GRIK2: variants seen among roughly 807,000 people sequenced by gnomAD.
The protein encoded by GRIK2 is glutamate receptor ionotropic, kainate 2.
GRIK2 carries 32 observed loss-of-function variants against 100.3 expected under a neutral mutation model. That is an observed-to-expected ratio of 0.32 (90% CI 0.24 to 0.43). The LOEUF is 0.43. GRIK2 is among the 20% of genes least tolerant of loss of function. The probability of loss-of-function intolerance (pLI) is 1.00; values close to 1 mark genes in which losing one functional copy is unlikely to be tolerated. For missense variants in GRIK2, 843 were observed against 1,114.9 expected (o/e 0.76, Z 3.47); for synonymous variants, 417 against 389.4 (o/e 1.07, Z -0.83).
chr6:101,454,767 T>C (rs1770904434), intron 2 of GRIK2, among the ~76,000 whole-genome samples: 1 of 152,142 alleles, frequency 6.6e-6, no homozygotes, highest in Non-Finnish European at 1.5e-5. Flanking sequence ...GGCATAAATC[T>C]TACTGGGGAG....
intron 12 of GRIK2, among the ~76,000 whole-genome samples, chr6:101,891,080 A>G (rs1186255042): frequency 6.6e-6 from 1 of 151,540 alleles, no homozygotes; most frequent in East Asian, 1.9e-4. Context: ...TGATAAATTT[A>G]TCAGTAAGGG....
chr6:101,566,896 A>G (rs1777302916), intron 2 of GRIK2, among the ~76,000 whole-genome samples: 1 of 150,582 alleles, frequency 6.6e-6, no homozygotes, highest in Non-Finnish European at 1.5e-5. Context: ...ATATGTATAC[A>G]TATATACATG....
intron 14 of GRIK2, among the ~76,000 whole-genome samples, chr6:101,958,942 G>C (rs916991768): frequency 6.6e-6 from 1 of 151,800 alleles, no homozygotes; most frequent in South Asian, 2.1e-4. Context: ...ATTTTTTAGA[G>C]GATTATTGTG....
chr6:101,399,442 C>T (rs1401357275), intron 2 of GRIK2, 50 bp downstream of exon 2: 3 of 908,248 alleles, frequency 3.3e-6, no homozygotes, highest in African/African-American at 1.6e-5. Flanking sequence ...CCCAGGCAGC[C>T]GGATGTAAAC....
At chr6:101,657,876 T>A (rs1769308309) in intron 4 of GRIK2, among the ~76,000 whole-genome samples, 1 of 152,012 alleles carries the variant, frequency 6.6e-6, no homozygotes, top group Non-Finnish European at 1.5e-5. Context: ...ATCAGTCAAA[T>A]CTAGGATGAG....
At chr6:101,411,204 CT>C (rs1165161386) in intron 2 of GRIK2, among the ~76,000 whole-genome samples, 6 of 152,008 alleles carry the variant, frequency 3.9e-5, no homozygotes, top group African/African-American at 1.4e-4. Context: ...ATTTCTCTTT[CT>C]TTTGCTCTTC....
chr6:101,800,945 C>CA (rs1048271457), intron 8 of GRIK2, among the ~76,000 whole-genome samples: 2 of 152,084 alleles, frequency 1.3e-5, no homozygotes, highest in African/African-American at 4.8e-5. Context: ...CTAAATCACA[C>CA]AGTGTCCCCC....
chr6:101,756,797 T>G (rs1019564642), intron 7 of GRIK2, among the ~76,000 whole-genome samples: 1 of 152,198 alleles, frequency 6.6e-6, no homozygotes, highest in Non-Finnish European at 1.5e-5. Flanking sequence ...TGTACTAGTT[T>G]AAAATACAGA....
intron 14 of GRIK2, among the ~76,000 whole-genome samples, chr6:101,965,849 T>C (rs1314662951): frequency 6.6e-6 from 1 of 152,036 alleles, no homozygotes; most frequent in Admixed American, 6.5e-5. Context: ...AAAATATATT[T>C]GATAAAATAA....
chr6:101,503,174 G>GTT (rs905304345), intron 2 of GRIK2, among the ~76,000 whole-genome samples: 1 of 151,874 alleles, frequency 6.6e-6, no homozygotes, highest in Non-Finnish European at 1.5e-5. Context: ...TACCTTAAGT[G>GTT]TTTTTTTTGT....
At chr6:101,560,930 A>G (rs1173398888) in intron 2 of GRIK2, among the ~76,000 whole-genome samples, 3 of 152,158 alleles carry the variant, frequency 2.0e-5, no homozygotes, top group African/African-American at 4.8e-5. Context: ...AATAAATGTA[A>G]AAGGCTAATG....
intron 2 of GRIK2, among the ~76,000 whole-genome samples, chr6:101,600,436 A>G (rs1453543639): frequency 6.6e-6 from 1 of 151,896 alleles, no homozygotes; most frequent in African/African-American, 2.4e-5. Flanking sequence ...GTTTTGTAAA[A>G]AAATGGCATT....
intron 12 of GRIK2, chr6:101,891,540 T>C (rs371113178): frequency 3.7e-6 from 1 of 270,902 alleles, no homozygotes; most frequent in Non-Finnish European, 7.0e-6. Flanking sequence ...AAAAAAAAGG[T>C]GGATTATATT....
chr6:102,025,638 A>G (rs529683869), intron 14 of GRIK2, among the ~76,000 whole-genome samples: 16 of 151,114 alleles, frequency 1.1e-4, no homozygotes, highest in Non-Finnish European at 2.4e-4. Flanking sequence ...CTGTAAATTA[A>G]TGATTAATAT....
At chr6:101,799,384 C>A (rs1364641220) in intron 7 of GRIK2, among the ~76,000 whole-genome samples, 1 of 151,648 alleles carries the variant, frequency 6.6e-6, no homozygotes, top group African/African-American at 2.4e-5. Flanking sequence ...CCTACTTCAA[C>A]GGCAGTACTA....
intron 7 of GRIK2, among the ~76,000 whole-genome samples, chr6:101,773,475 T>C (rs1778534622): frequency 9.5e-6 from 1 of 105,144 alleles, no homozygotes; most frequent in African/African-American, 5.1e-5. Context: ...CAAGACTTTG[T>C]CTCAAAAAAA....
chr6:101,589,533 T>A (rs1247375023), intron 2 of GRIK2, among the ~76,000 whole-genome samples: 7 of 152,098 alleles, frequency 4.6e-5, no homozygotes, highest in Non-Finnish European at 1.0e-4. Context: ...AGATTCCATA[T>A]CTGAGGGGGA....
At chr6:101,822,232 AC>A (rs1782000755) in intron 10 of GRIK2, among the ~76,000 whole-genome samples, 1 of 151,636 alleles carries the variant, frequency 6.6e-6, no homozygotes, top group African/African-American at 2.4e-5. Context: ...ACACACACAC[AC>A]ACACACACAC....
chr6:101,522,094 A>T (rs533469875), intron 2 of GRIK2, among the ~76,000 whole-genome samples: 13 of 152,280 alleles, frequency 8.5e-5, no homozygotes, highest in African/African-American at 2.9e-4. Flanking sequence ...CAGTTATCAA[A>T]ATTTTAGGGC....
Sources: gnomAD v4.1 joint callset for allele counts (sites outside exome capture counted in the v4.1 genomes callset) on GRCh38, gnomAD v4.1.1 for gene constraint, MANE v1.5 for transcripts, NCBI Gene and HGNC (gene_info 2026-07-23, HGNC 2026-07-21) for gene names.